Variants in ZNF883 observed in about 807,000 individuals in gnomAD.
ZNF883 encodes zinc finger protein 883.
Position 112,997,678 on chromosome 9 carries a change from T to C in ZNF883, n.582A>G, listed in dbSNP as rs772187828. 5 of 1,612,880 alleles carry C rather than the reference T, an allele frequency of 3.1e-6. No individual in the cohort carries two copies. In the African/African-American group the frequency reaches 4.0e-5, roughly 13 times the overall value. On this transcript the variant is annotated non_coding_transcript_exon_variant, in exon 1 of 1. Transcript: ENST00000639662. ...GGGTTCTCTGATGTCGGATTAGTGA[T>C]GTACTGTGGCAAAAAACTTTCCGAC...
chr9:112,997,041 C>A (rs1194518335), downstream of ZNF883: 21 of 1,378,306 alleles, frequency 1.5e-5, no homozygotes, highest in Non-Finnish European at 1.8e-5. Context: ...CCTCACATAA[C>A]AATCCTAGGG....
At chr9:113,003,699 A>C (rs1413676084) in intron 2 of ZNF883, among the ~76,000 whole-genome samples, 3 of 152,184 alleles carry the variant, frequency 2.0e-5, no homozygotes, top group Non-Finnish European at 4.4e-5. Flanking sequence ...AATACAAAGA[A>C]AGCTACACCC....
intron 2 of ZNF883, among the ~76,000 whole-genome samples, chr9:113,008,253 G>T (rs1225220661): frequency 2.7e-5 from 4 of 150,616 alleles, no homozygotes; most frequent in African/African-American, 9.8e-5. Context: ...AAACTGAAGT[G>T]AAATCAAGAC....
intron 2 of ZNF883, among the ~76,000 whole-genome samples, chr9:113,007,077 C>T (rs913388858): frequency 9.2e-5 from 14 of 152,140 alleles, no homozygotes; most frequent in Admixed American, 2.0e-4. Flanking sequence ...GTCTGTAGTC[C>T]TAGCTGCTCA....
rs528095298 is a variant in ZNF883, at chr9:113,010,432, T to C, written n.165+709A>G. ...GAGTTATTTTAATGTTTAAAGAACA[T>C]AGTCGGGGTACATTTACACATGTAT... On this transcript the variant is annotated intron_variant and non_coding_transcript_variant, in intron 2 of 4. Transcript: ENST00000638622. Among the ~76,000 whole-genome samples, 24 of 152,320 alleles carry C rather than the reference T, an allele frequency of 1.6e-4. No individual in the cohort carries two copies. The South Asian group carries it at 4.3e-3, about 28-fold the overall frequency.
At chr9:112,998,350 T>C (rs1229138415), upstream of ZNF883, 25 of 1,112,780 alleles carry the variant, frequency 2.2e-5, no homozygotes, top group Non-Finnish European at 2.9e-5. Context: ...CCAGAATAAG[T>C]AAAGTTTGAG....
At chr9:112,994,892 T>A (rs1331604403), downstream of ZNF883, among the ~76,000 whole-genome samples, 1 of 152,168 alleles carries the variant, frequency 6.6e-6, no homozygotes, top group African/African-American at 2.4e-5. Flanking sequence ...TTACCTGGGA[T>A]CTTTAGCATA....
chr9:112,990,847 G>T (rs1190115628), intron 1 of ZNF883, among the ~76,000 whole-genome samples: 5 of 152,126 alleles, frequency 3.3e-5, no homozygotes, highest in Non-Finnish European at 5.9e-5. Context: ...TTGGGAGGGT[G>T]TATGTGTCCA....
At chr9:113,003,624 T>C (rs984002824) in intron 2 of ZNF883, among the ~76,000 whole-genome samples, 9 of 147,952 alleles carry the variant, frequency 6.1e-5, no homozygotes, top group Admixed American at 1.3e-4. Context: ...TTTAAGGGAA[T>C]AAGGATAGAT....
intron 2 of ZNF883, among the ~76,000 whole-genome samples, chr9:113,010,801 C>T (rs983998289): frequency 6.6e-6 from 1 of 152,166 alleles, no homozygotes; most frequent in Admixed American, 6.5e-5. Flanking sequence ...GGATGCCCAA[C>T]ATGGTGAAAC....
chr9:112,997,041 C>T, downstream of ZNF883: 7 of 1,378,424 alleles, frequency 5.1e-6, no homozygotes, highest in Non-Finnish European at 6.7e-6. Context: ...CCTCACATAA[C>T]AATCCTAGGG....
intron 1 of ZNF883, among the ~76,000 whole-genome samples, chr9:112,988,561 G>A (rs372770918): frequency 3.2e-4 from 49 of 152,232 alleles, no homozygotes; most frequent in African/African-American, 1.2e-3. Flanking sequence ...ATCGTTGATT[G>A]GCATTTGGGT....
upstream of ZNF883, chr9:112,998,874 G>A (rs1044688369): frequency 1.3e-5 from 2 of 151,992 alleles, no homozygotes; most frequent in African/African-American, 4.8e-5. Context: ...TTTGGTCTTT[G>A]GTTAAATGTT....
At chr9:112,991,924 A>G (rs916329203) in intron 1 of ZNF883, among the ~76,000 whole-genome samples, 1 of 151,540 alleles carries the variant, frequency 6.6e-6, no homozygotes, top group African/African-American at 2.4e-5. Flanking sequence ...TCTGCTTTCC[A>G]TTTGTTTGGT....
downstream of ZNF883, among the ~76,000 whole-genome samples, chr9:112,993,015 C>T (rs1043353645): frequency 1.1e-4 from 17 of 152,156 alleles, no homozygotes; most frequent in African/African-American, 3.9e-4. Context: ...TTAGAACATG[C>T]TCCTTTAGCT....
At chr9:112,998,403 T>C (rs1386708112), upstream of ZNF883, 3 of 638,082 alleles carry the variant, frequency 4.7e-6, no homozygotes, top group Non-Finnish European at 6.9e-6. Flanking sequence ...TTATTTTTCA[T>C]TCATGAGTTT....
chr9:112,998,308 G>A (rs573481805), upstream of ZNF883: 15 of 1,412,578 alleles, frequency 1.1e-5, no homozygotes, highest in African/African-American at 5.7e-5. Flanking sequence ...ATTTTTGTCG[G>A]TATGTAATAG....
chr9:113,005,539 C>T (rs1389055649), intron 2 of ZNF883, among the ~76,000 whole-genome samples: 1 of 152,090 alleles, frequency 6.6e-6, no homozygotes, highest in African/African-American at 2.4e-5. Flanking sequence ...AAAATGGCTG[C>T]TCTCATATAC....
chr9:113,008,388 A>G (rs1175675950), intron 2 of ZNF883, among the ~76,000 whole-genome samples: 1 of 152,108 alleles, frequency 6.6e-6, no homozygotes, highest in Non-Finnish European at 1.5e-5. Flanking sequence ...TTGGGAGGGA[A>G]TGGTGCATAG....
Sources: allele counts gnomAD v4.1 joint callset (sites outside exome capture counted in the v4.1 genomes callset), GRCh38; gene constraint gnomAD v4.1.1; transcripts MANE v1.5; gene names NCBI Gene and HGNC (gene_info 2026-07-23, HGNC 2026-07-21).